SMG6: variants seen among roughly 807,000 people sequenced by gnomAD.
The protein encoded by SMG6 is telomerase-binding protein EST1A.
A neutral mutation model predicts 142.2 loss-of-function variants in SMG6; 66 were observed. That is an observed-to-expected ratio of 0.46 (90% CI 0.38 to 0.57). The LOEUF is 0.57. SMG6 is among the 20% of genes least tolerant of loss of function. The pLI, the probability that SMG6 is intolerant of heterozygous loss-of-function variation, is 0.00. For synonymous variants in SMG6, 779 were observed against 702.4 expected, an observed-to-expected ratio of 1.11 and a Z score of -1.72; for missense variants, 1,793 against 1,832.0, an observed-to-expected ratio of 0.98 and a Z score of 0.39.
chr17:2,259,924 ATT>A (rs2074275684), intron 8 of SMG6, among the ~76,000 whole-genome samples: 2 of 152,166 alleles, frequency 1.3e-5, no homozygotes, highest in African/African-American at 2.4e-5. Context: ...TGCTGTGGTT[ATT>A]TGCCATAAAG....
At chr17:2,208,489 C>T (rs1293437170) in intron 10 of SMG6, among the ~76,000 whole-genome samples, 2 of 152,214 alleles carry the variant, frequency 1.3e-5, no homozygotes, top group Non-Finnish European at 2.9e-5. Context: ...GCAGACCCCA[C>T]CAAATCTGAA....
chr17:2,297,590 T>C (rs2151409522), intron 3 of SMG6, among the ~76,000 whole-genome samples: 1 of 149,428 alleles, frequency 6.7e-6, no homozygotes, highest in East Asian at 1.9e-4. Flanking sequence ...ACACACACGC[T>C]CTCTCCACAC....
chr17:2,237,570 G>A (rs928849584), intron 9 of SMG6: 7 of 985,228 alleles, frequency 7.1e-6, no homozygotes, highest in South Asian at 9.4e-5. Context: ...TCTGCTCATC[G>A]GGGTCTGTAT....
At chr17:2,277,323 T>A (rs535005387) in intron 8 of SMG6, among the ~76,000 whole-genome samples, 1 of 151,902 alleles carries the variant, frequency 6.6e-6, no homozygotes, top group Non-Finnish European at 1.5e-5. Flanking sequence ...CCTGCCACCA[T>A]GCCCGGCTAA....
Position 2,210,286 on chromosome 17 carries a change from C to CTT in SMG6, c.2870-21773_2870-21772dup, listed in dbSNP as rs772849830. ...AGGATGAACCGTTTTCTTTTCTTTT[C>CTT]TTTTTTTTTTTTTTTTAAGAGATGG... On this transcript the variant is annotated intron_variant, in intron 10 of 18. Transcript: ENST00000263073. 5.1e-5 allele frequency among the ~76,000 whole-genome samples: 7 copies of CTT among 137,290 alleles called. No homozygotes were observed. The South Asian group carries it at 7.2e-4, about 14-fold the overall frequency. 90.1% of individuals were successfully genotyped at this position (137,290 alleles called of 152,430 possible). A position where few individuals can be genotyped will look rare whatever the true frequency, so the allele number is the denominator to read the frequency against.
intron 13 of SMG6, among the ~76,000 whole-genome samples, chr17:2,099,463 C>A (rs997597645): frequency 2.0e-5 from 3 of 151,874 alleles, no homozygotes; most frequent in African/African-American, 7.3e-5. Flanking sequence ...ATTTAATGAT[C>A]TTCAAAGCAC....
At chr17:2,175,396 G>A (rs773350371) in intron 12 of SMG6, among the ~76,000 whole-genome samples, 2 of 151,764 alleles carry the variant, frequency 1.3e-5, no homozygotes, top group Non-Finnish European at 2.9e-5. Context: ...AATTACCCAC[G>A]GCTGCCACAG....
chr17:2,066,887 C>T (rs960840016), intron 16 of SMG6, among the ~76,000 whole-genome samples: 73 of 152,230 alleles, frequency 4.8e-4, no homozygotes, highest in African/African-American at 1.7e-3. Flanking sequence ...TGTGCTTCTG[C>T]ACCAGGCGGG....
intron 1 of SMG6, 69 bp downstream of exon 1, chr17:2,303,564 G>A (rs1351605667): frequency 3.7e-6 from 5 of 1,357,828 alleles, no homozygotes; most frequent in Non-Finnish European, 4.7e-6. Context: ...GAGCGGGGAG[G>A]AGGCAGAGGA....
At chr17:2,106,956 T>C (rs2069172806) in intron 13 of SMG6, among the ~76,000 whole-genome samples, 1 of 152,056 alleles carries the variant, frequency 6.6e-6, no homozygotes, top group African/African-American at 2.4e-5. Context: ...CCCAAGTAGC[T>C]GGGATTACAG....
At position 2,283,678 on chromosome 17, in the gene SMG6, T is replaced by C. The variant is rs770668200; in HGVS notation, c.2395A>G (p.Ile799Val). The C allele has an allele frequency of 1.3e-5, 21 of 1,614,072 alleles. No individual in the cohort carries two copies. The highest frequency in any genetic ancestry group is 1.7e-5 in the Non-Finnish European group (20 of 1,180,050). The change falls in exon 7 of 19, where the codon ATC becomes GTC. Residue 799 changes from isoleucine to valine, a missense_variant. By Grantham distance (29) the Ile-to-Val change is conservative. Transcript: ENST00000263073. ...ATGAGACTCTCCTTGGCAGTCAGGA[T>C]AGGGTTGCTGGCAGCTAAACTGCGC... ...YMRSLAASNP[I>V]LTAKESLMSL...
intron 10 of SMG6, among the ~76,000 whole-genome samples, chr17:2,210,288 T>C (rs2072811562): frequency 1.4e-5 from 2 of 142,904 alleles, no homozygotes; most frequent in African/African-American, 5.2e-5. Context: ...TTTCTTTTCT[T>C]TTTTTTTTTT....
chr17:2,085,586 C>T lies in SMG6; in HGVS notation c.3534+139G>A. On this transcript the variant is annotated intron_variant, in intron 14 of 18. Transcript: ENST00000263073. This position sits in a 1 kb window ranked among gnomAD's most constrained non-coding sequence, Gnocchi z 4.1. Reference sequence around the variant, plus strand: ...CAGGAAGGGGCACCATCAGAGCACACTCTCGAGAAGCTGGCTGGTCACATT... The same window carrying T: ...CAGGAAGGGGCACCATCAGAGCACATTCTCGAGAAGCTGGCTGGTCACATT... The T allele has an allele frequency of 1.2e-6, 1 of 868,204 alleles. No homozygotes were observed. Among genetic ancestry groups the T allele is most frequent in the Non-Finnish European group, 1.8e-6 (1 of 559,242 alleles). The allele number at this position is 868,204 out of a possible 1,614,324, so 53.8% of individuals were successfully genotyped here. A position where few individuals can be genotyped will look rare whatever the true frequency, so the allele number is the denominator to read the frequency against.
intron 13 of SMG6, among the ~76,000 whole-genome samples, chr17:2,096,168 A>T (rs912787131): frequency 6.6e-6 from 1 of 152,048 alleles, no homozygotes; most frequent in Non-Finnish European, 1.5e-5. Flanking sequence ...CAGCCTCCAG[A>T]GTAGCTGGGA....
intron 10 of SMG6, among the ~76,000 whole-genome samples, chr17:2,195,300 T>A (rs1034859407): frequency 6.6e-6 from 1 of 152,124 alleles, no homozygotes; most frequent in Non-Finnish European, 1.5e-5. Context: ...GTACACACCC[T>A]CTCCCACCTC....
intron 13 of SMG6, among the ~76,000 whole-genome samples, chr17:2,167,131 CAAAAAA>C (rs57898779): frequency 2.8e-5 from 1 of 35,706 alleles, no homozygotes; most frequent in African/African-American, 1.5e-4. Context: ...GACTCCATCT[CAAAAAA>C]AAAAAAAAAA....
chr17:2,082,955 A>G (rs2068464022), intron 14 of SMG6, among the ~76,000 whole-genome samples: 1 of 152,174 alleles, frequency 6.6e-6, no homozygotes, highest in Admixed American at 6.5e-5. Flanking sequence ...TAATCCTCAC[A>G]ACAGCCTGTG....
intron 13 of SMG6, among the ~76,000 whole-genome samples, chr17:2,162,857 G>A (rs973099970): frequency 2.0e-5 from 3 of 151,778 alleles, no homozygotes; most frequent in African/African-American, 7.3e-5. Flanking sequence ...TTTGAGAAAG[G>A]GTCTCCCTCT....
intron 4 of SMG6, among the ~76,000 whole-genome samples, chr17:2,296,490 T>C (rs2151406283): frequency 6.6e-6 from 1 of 152,298 alleles, no homozygotes; most frequent in South Asian, 2.1e-4. Flanking sequence ...TACCAGTCTC[T>C]GGTCTGAGCG....
Sources: gnomAD v4.1 joint callset for allele counts (sites outside exome capture counted in the v4.1 genomes callset) on GRCh38, gnomAD v4.1.1 for gene constraint, Gnocchi (gnomAD v3.1) non-coding constraint, MANE v1.5 for transcripts, NCBI Gene and HGNC (gene_info 2026-07-23, HGNC 2026-07-21) for gene names.